Variants in DPYD observed in about 807,000 individuals in gnomAD.
DPYD encodes the protein dihydropyrimidine dehydrogenase [NADP(+)].
DPYD carries 109 observed loss-of-function variants against 116.2 expected under a neutral mutation model. That is an observed-to-expected ratio of 0.94 (90% CI 0.80 to 1.10). The LOEUF is 1.10. DPYD is among the 50% of genes least tolerant of loss of function. The pLI is 0.00. For missense variants in DPYD, 1,302 were observed against 1,254.5 expected, an observed-to-expected ratio of 1.04 and a Z score of -0.57; for synonymous variants, 440 against 432.0, an observed-to-expected ratio of 1.02 and a Z score of -0.23.
At chr1:97,822,546 C>A (rs1669006029) in intron 3 of DPYD, among the ~76,000 whole-genome samples, 1 of 151,618 alleles carries the variant, frequency 6.6e-6, no homozygotes, top group Non-Finnish European at 1.5e-5. Flanking sequence ...TCATATTATG[C>A]ATAATTTCTA....
intron 10 of DPYD, among the ~76,000 whole-genome samples, chr1:97,576,839 T>C (rs770482415): frequency 4.6e-5 from 7 of 152,186 alleles, no homozygotes; most frequent in African/African-American, 4.8e-5. Context: ...TTTGAAACTT[T>C]GGAGATTTTC....
chr1:97,613,962 G>T (rs1346426460), intron 8 of DPYD, among the ~76,000 whole-genome samples: 2 of 152,110 alleles, frequency 1.3e-5, no homozygotes, highest in East Asian at 3.9e-4. Context: ...AAGAGCCAGG[G>T]GGAGGGATGG....
chr1:97,364,579 T>A (rs1181385417), intron 16 of DPYD, among the ~76,000 whole-genome samples: 2 of 152,186 alleles, frequency 1.3e-5, no homozygotes, highest in East Asian at 3.8e-4. Flanking sequence ...ATACTGATAC[T>A]TAAAGTGCTT....
intron 8 of DPYD, among the ~76,000 whole-genome samples, chr1:97,625,088 A>G (rs1049341911): frequency 1.3e-5 from 2 of 152,054 alleles, no homozygotes; most frequent in East Asian, 3.9e-4. Flanking sequence ...ACATTTCAAA[A>G]TTCCTAAGAT....
intron 21 of DPYD, among the ~76,000 whole-genome samples, chr1:97,089,130 C>A (rs1057224773): frequency 1.3e-5 from 2 of 152,200 alleles, no homozygotes; most frequent in Non-Finnish European, 2.9e-5. Context: ...CCATCTCTTA[C>A]TAGAAGCAGC....
At chr1:97,343,134 T>C (rs1254366361) in intron 16 of DPYD, among the ~76,000 whole-genome samples, 1 of 151,602 alleles carries the variant, frequency 6.6e-6, no homozygotes, top group Non-Finnish European at 1.5e-5. Context: ...GTCCCAGCTA[T>C]CTTCTATGAA....
At chr1:97,767,859 A>T (rs1219552104) in intron 3 of DPYD, among the ~76,000 whole-genome samples, 2 of 150,540 alleles carry the variant, frequency 1.3e-5, no homozygotes, top group Non-Finnish European at 2.9e-5. Flanking sequence ...ATCTAGAATT[A>T]ATTTCAGCAA....
At chr1:97,713,857 A>G (rs764562830) in intron 5 of DPYD, among the ~76,000 whole-genome samples, 1 of 152,174 alleles carries the variant, frequency 6.6e-6, no homozygotes. Flanking sequence ...AGTAGTATAG[A>G]GAAATCCCAT....
chr1:97,194,289 A>T (rs1658594166), intron 19 of DPYD, among the ~76,000 whole-genome samples: 1 of 151,980 alleles, frequency 6.6e-6, no homozygotes, highest in African/African-American at 2.4e-5. Flanking sequence ...TCTCGTGATG[A>T]TGAGTGAGCT....
chr1:97,708,085 C>T (rs1388884142), intron 5 of DPYD, among the ~76,000 whole-genome samples: 2 of 152,004 alleles, frequency 1.3e-5, no homozygotes, highest in Non-Finnish European at 2.9e-5. Flanking sequence ...GCAAACCTCC[C>T]TCAGCCTTCT....
At chr1:97,808,795 T>C (rs1668205920) in intron 3 of DPYD, among the ~76,000 whole-genome samples, 1 of 151,616 alleles carries the variant, frequency 6.6e-6, no homozygotes, top group Admixed American at 6.6e-5. Flanking sequence ...AATAAATATA[T>C]GGAGTAATTT....
chr1:97,279,231 C>A (rs1418277071), intron 18 of DPYD, among the ~76,000 whole-genome samples: 2 of 151,910 alleles, frequency 1.3e-5, no homozygotes, highest in South Asian at 4.1e-4. Flanking sequence ...TGGCAGATTC[C>A]CCACACATAT....
intron 3 of DPYD, among the ~76,000 whole-genome samples, chr1:97,803,322 CT>C (rs1667931598): frequency 6.6e-6 from 1 of 151,858 alleles, no homozygotes; most frequent in African/African-American, 2.4e-5. Context: ...AGGAAATACT[CT>C]TCTTTATAAT....
intron 2 of DPYD, among the ~76,000 whole-genome samples, chr1:97,863,435 C>T (rs1671218751): frequency 6.6e-6 from 1 of 151,918 alleles, no homozygotes; most frequent in African/African-American, 2.4e-5. Flanking sequence ...GAGAACCATG[C>T]AGATATATAC....
chr1:97,613,192 T>G (rs1273150238), intron 8 of DPYD, among the ~76,000 whole-genome samples: 1 of 152,014 alleles, frequency 6.6e-6, no homozygotes, highest in Non-Finnish European at 1.5e-5. Context: ...TCTAGGCAAG[T>G]TATCTAAATT....
At chr1:97,750,532 G>T (rs1014522152) in intron 3 of DPYD, among the ~76,000 whole-genome samples, 1 of 152,098 alleles carries the variant, frequency 6.6e-6, no homozygotes, top group African/African-American at 2.4e-5. Flanking sequence ...TTAAAAACAA[G>T]ACATAGATGT....
At chr1:97,600,848 C>T (rs1655202033) in intron 8 of DPYD, among the ~76,000 whole-genome samples, 1 of 152,066 alleles carries the variant, frequency 6.6e-6, no homozygotes, top group Non-Finnish European at 1.5e-5. Context: ...TTTAAGTGGT[C>T]AGTATTGGAT....
chr1:97,672,039 C>T (rs767897760), intron 8 of DPYD, among the ~76,000 whole-genome samples: 4 of 150,546 alleles, frequency 2.7e-5, no homozygotes, highest in African/African-American at 4.9e-5. Flanking sequence ...CCCCTTCCCA[C>T]GCTCATCTCC....
Position 97,913,290 on chromosome 1 carries a change from T to A in DPYD, c.39+7594A>T, listed in dbSNP as rs151195174. 9.9e-5 allele frequency among the ~76,000 whole-genome samples: 15 copies of A among 152,256 alleles called. No individual in the cohort carries two copies. In the East Asian group the frequency reaches 2.9e-3, roughly 29 times the overall value. ...CATACAGCTGGTATAAATAGTACAC[T>A]CAATCCTACCAAGTATGTAAATCGA... is the stretch of plus-strand genomic sequence containing the variant. On this transcript the variant is annotated intron_variant, in intron 1 of 22. Transcript: ENST00000370192.
Sources: allele counts gnomAD v4.1 joint callset (sites outside exome capture counted in the v4.1 genomes callset), GRCh38; gene constraint gnomAD v4.1.1; transcripts MANE v1.5; gene names NCBI Gene and HGNC (gene_info 2026-07-23, HGNC 2026-07-21).